Variants in MERTK observed in about 807,000 individuals in gnomAD.
MERTK encodes MER proto-oncogene, tyrosine kinase, also known as tyrosine-protein kinase Mer.
Under a neutral mutation model 99.3 loss-of-function variants are expected in MERTK, and 69 were observed. The observed-to-expected ratio is 0.70, with a 90% CI of 0.57 to 0.85. The LOEUF is 0.85. MERTK is among the 40% of genes least tolerant of loss of function. The pLI is 0.00. For missense variants in MERTK, 1,125 were observed against 1,249.4 expected, an observed-to-expected ratio of 0.90 and a Z score of 1.50; for synonymous variants, 426 against 467.6, an observed-to-expected ratio of 0.91 and a Z score of 1.15.
At chr2:111,946,713 C>T (rs1377804981) in intron 3 of MERTK, among the ~76,000 whole-genome samples, 1 of 152,190 alleles carries the variant, frequency 6.6e-6, no homozygotes, top group East Asian at 1.9e-4. Context: ...CTTTGTTTTA[C>T]TCTGCGTTTA....
chr2:112,029,400 C>CTCCATA lies in MERTK; in HGVS notation c.*536_*537insTCCATA. ...TTGAACTTACTTGAGACTTGAAAGA[C>CTCCATA]AGTGGTCGGCAGCGGCCTTGTGGCC... is the stretch of plus-strand genomic sequence containing the variant. On this transcript the variant is annotated 3_prime_UTR_variant, in exon 19 of 19. Coordinates refer to ENST00000295408, the MANE Select transcript of MERTK (RefSeq NM_006343.3). The CTCCATA allele has an allele frequency of 1.1e-6, 1 of 903,398 alleles. No homozygotes were observed. The highest frequency in any genetic ancestry group is 1.3e-6 in the Non-Finnish European group (1 of 755,086). 56.0% of individuals were successfully genotyped at this position (903,398 alleles called of 1,614,324 possible). A position where few individuals can be genotyped will look rare whatever the true frequency, so the allele number is the denominator to read the frequency against.
chr2:111,968,367 C>G, intron 6 of MERTK, 115 bp downstream of exon 6: 1 of 783,516 alleles, frequency 1.3e-6, no homozygotes, highest in Non-Finnish European at 2.2e-6. Flanking sequence ...TGTACAGAGT[C>G]CCCTGACCTC....
chr2:112,027,342 T>TAC (rs1677485860), intron 18 of MERTK, among the ~76,000 whole-genome samples: 1 of 151,626 alleles, frequency 6.6e-6, no homozygotes, highest in Non-Finnish European at 1.5e-5. Context: ...GGCATATATA[T>TAC]ACACACATGC....
At chr2:111,919,703 G>A (rs1482970075) in intron 1 of MERTK, among the ~76,000 whole-genome samples, 1 of 152,010 alleles carries the variant, frequency 6.6e-6, no homozygotes, top group Admixed American at 6.6e-5. Flanking sequence ...AGCCCTTTGG[G>A]GCCCTTGGGG....
intron 16 of MERTK, 115 bp from the exon 17 acceptor site, chr2:112,021,307 T>G (rs1573647854): frequency 3.5e-6 from 5 of 1,449,186 alleles, no homozygotes; most frequent in East Asian, 4.6e-5. Flanking sequence ...AGGCTGGTGG[T>G]GTCTCTGTGT....
chr2:111,902,669 C>T (rs1684065610), intron 1 of MERTK, among the ~76,000 whole-genome samples: 1 of 152,108 alleles, frequency 6.6e-6, no homozygotes, highest in Non-Finnish European at 1.5e-5. Context: ...CCTTGAGAAG[C>T]CTTCCCCAAT....
intron 1 of MERTK, among the ~76,000 whole-genome samples, chr2:111,914,858 C>G (rs1432776941): frequency 6.6e-6 from 1 of 151,966 alleles, no homozygotes; most frequent in East Asian, 1.9e-4. Flanking sequence ...TCTGTTTTTT[C>G]TGTATTTTTG....
intron 13 of MERTK, among the ~76,000 whole-genome samples, chr2:112,005,107 A>T (rs1676955203): frequency 6.6e-6 from 1 of 152,010 alleles, no homozygotes; most frequent in African/African-American, 2.4e-5. Context: ...TCACTGTGTC[A>T]CACAGGCTGG....
At chr2:111,899,089 CGA>C (rs770365544) in intron 1 of MERTK, among the ~76,000 whole-genome samples, 1 of 152,184 alleles carries the variant, frequency 6.6e-6, no homozygotes, top group Non-Finnish European at 1.5e-5. Context: ...AGGAGGAAAT[CGA>C]GCTCGGCCGG....
chr2:112,007,499 CAAT>C (rs1346791106), intron 13 of MERTK, among the ~76,000 whole-genome samples: 1 of 152,146 alleles, frequency 6.6e-6, no homozygotes, highest in Non-Finnish European at 1.5e-5. Flanking sequence ...ACCTACCGAA[CAAT>C]GACTCCCCAC....
At position 111,945,357 on chromosome 2, in the gene MERTK, A is replaced by C. The variant is rs115570167; in HGVS notation, c.583+297A>C. Among the ~76,000 whole-genome samples the C allele has an allele frequency of 1.4e-3, 216 of 152,330 alleles. 2 individuals are homozygous for C. Among genetic ancestry groups the C allele is most frequent in the African/African-American group, 4.6e-3 (193 of 41,572 alleles). On this transcript the variant is annotated intron_variant, in intron 3 of 18. Coordinates refer to ENST00000295408, the MANE Select transcript of MERTK (RefSeq NM_006343.3). ...TATTGACAATAAAAATAAGCTGAAG[A>C]CTTCTTTTTAAGAAGCAAAATGCTT...
chr2:111,948,993 A>G (rs1333463918), intron 4 of MERTK, among the ~76,000 whole-genome samples: 1 of 151,678 alleles, frequency 6.6e-6, no homozygotes, highest in Non-Finnish European at 1.5e-5. Flanking sequence ...CACGAGTCAC[A>G]TTGATTGTCT....
intron 17 of MERTK, among the ~76,000 whole-genome samples, chr2:112,021,918 C>A (rs1167714792): frequency 6.6e-6 from 1 of 152,084 alleles, no homozygotes; most frequent in Admixed American, 6.6e-5. Flanking sequence ...GCTCTTGGAA[C>A]CTAGATGCTA....
chr2:111,951,757 A>G (rs1232285247), intron 4 of MERTK, among the ~76,000 whole-genome samples: 6 of 151,626 alleles, frequency 4.0e-5, no homozygotes, highest in East Asian at 1.9e-4. Flanking sequence ...CCTCCAAACT[A>G]TTTTCCTTAA....
chr2:111,978,050 C>T (rs561952670), intron 7 of MERTK, among the ~76,000 whole-genome samples: 2 of 152,136 alleles, frequency 1.3e-5, no homozygotes, highest in East Asian at 3.9e-4. Flanking sequence ...GCAATTCTCC[C>T]ACCTTCACCT....
intron 15 of MERTK, among the ~76,000 whole-genome samples, chr2:112,017,931 A>G (rs1209782703): frequency 4.6e-5 from 7 of 152,194 alleles, no homozygotes; most frequent in Admixed American, 6.5e-5. Flanking sequence ...ATGACTTTCA[A>G]CGGAGATACA....
intron 6 of MERTK, among the ~76,000 whole-genome samples, chr2:111,974,583 G>A (rs542368499): frequency 3.3e-5 from 5 of 151,724 alleles, no homozygotes; most frequent in South Asian, 2.1e-4. Context: ...CAGCATGGCC[G>A]ACATAGTGAA....
intron 15 of MERTK, among the ~76,000 whole-genome samples, chr2:112,018,218 A>G (rs1023352491): frequency 6.6e-6 from 1 of 152,204 alleles, no homozygotes; most frequent in Admixed American, 6.5e-5. Flanking sequence ...CTGCTATACA[A>G]TTATTTTTTA....
intron 4 of MERTK, 24 bp downstream of exon 4, chr2:111,947,591 T>C (rs756998861): frequency 4.3e-6 from 7 of 1,613,042 alleles, no homozygotes; most frequent in Non-Finnish European, 4.2e-6. Context: ...GTGGGCTTAT[T>C]GATTTATTCT....
Sources: allele counts gnomAD v4.1 joint callset (sites outside exome capture counted in the v4.1 genomes callset), GRCh38; gene constraint gnomAD v4.1.1; transcripts MANE v1.5; gene names NCBI Gene and HGNC (gene_info 2026-07-23, HGNC 2026-07-21).